DYDC2: variants seen among roughly 807,000 people sequenced by gnomAD.
DYDC2 encodes DPY30 domain-containing protein 2.
Under a neutral mutation model 18.7 loss-of-function variants are expected in DYDC2, and 19 were observed. The ratio of observed to expected loss-of-function variants is 1.02; its 90% CI spans 0.71 to 1.49. The LOEUF is 1.49. DYDC2 is among the 40% of genes most tolerant of loss of function. DYDC2 has a pLI of 0.00. For missense variants in DYDC2, 179 were observed against 205.1 expected (o/e 0.87, Z 0.78); for synonymous variants, 63 against 67.6 (o/e 0.93, Z 0.34).
At chr10:80,353,311 T>C (rs767270021), upstream of DYDC2, among the ~76,000 whole-genome samples, 27 of 151,782 alleles carry the variant, frequency 1.8e-4, no homozygotes, top group Non-Finnish European at 2.8e-4. Context: ...TCTAATTCCA[T>C]GGACATGTCT....
At chr10:80,356,500 C>G (rs1843376011), upstream of DYDC2, 2 of 985,296 alleles carry the variant, frequency 2.0e-6, no homozygotes, top group African/African-American at 3.5e-5. Flanking sequence ...TCTCCCGCAG[C>G]CCGCAGGAGA....
upstream of DYDC2, among the ~76,000 whole-genome samples, chr10:80,354,142 A>T (rs115521848): frequency 4.9e-3 from 736 of 149,186 alleles, 3 homozygotes; most frequent in African/African-American, 0.017. Context: ...ATATATATAT[A>T]TATTTTTTCC....
chr10:80,366,973 T>G lies in DYDC2; in HGVS notation c.*22T>G, dbSNP rs776749285. Reference sequence around the variant, plus strand: ...TTAGGTTACAGAAGGTAGATGCTTCTGATTTACTTCTCTCAAAGCTAGAAG... The same window carrying G: ...TTAGGTTACAGAAGGTAGATGCTTCGGATTTACTTCTCTCAAAGCTAGAAG... On this transcript the variant is annotated 3_prime_UTR_variant, in exon 5 of 5. Coordinates refer to ENST00000256039, the MANE Select transcript of DYDC2 (RefSeq NM_032372.6). 1.9e-6 allele frequency: 3 copies of G among 1,588,330 alleles called. No homozygotes were observed. In the Admixed American group the frequency reaches 5.4e-5, roughly 29 times the overall value.
At chr10:80,357,078 AG>A (rs1478172487) in intron 1 of DYDC2, among the ~76,000 whole-genome samples, 1 of 19,404 alleles carries the variant, frequency 5.2e-5, no homozygotes, top group African/African-American at 2.0e-4. Context: ...GCGCCAGGGG[AG>A]GGGGCCAGAG....
chr10:80,366,931 G>A lies in DYDC2; in HGVS notation c.514G>A (p.Gly172Ser), dbSNP rs752310655. 5 of 1,613,368 alleles carry A rather than the reference G, an allele frequency of 3.1e-6. No homozygotes were observed. The South Asian group carries it at 5.5e-5, about 18-fold the overall frequency. ...TGAAGTTGCTCATGAAATGCCTCCT[G>A]GCTCCAAATCTCCTTTTTAGGTTAC... ...QHEVAHEMPP[G>S]SKSPF The change falls in exon 5 of 5, where the codon GGC becomes AGC. Residue 172 changes from glycine (G) to serine (S), a missense_variant. By Grantham distance (56) the Gly-to-Ser change is moderately conservative. Transcript: ENST00000256039.
At chr10:80,362,779 G>T (rs1041150489) in intron 3 of DYDC2, among the ~76,000 whole-genome samples, 172 bp from the exon 4 acceptor site, 2 of 152,148 alleles carry the variant, frequency 1.3e-5, no homozygotes, top group Non-Finnish European at 2.9e-5. Flanking sequence ...CTTCAACTCA[G>T]ACGAGCTGTG....
intron 4 of DYDC2, among the ~76,000 whole-genome samples, chr10:80,366,224 G>T: frequency 6.6e-6 from 1 of 151,680 alleles, no homozygotes; most frequent in East Asian, 1.9e-4. Flanking sequence ...GTAGAGACGG[G>T]GTTTCAGCAT....
chr10:80,363,511 A>AGTTTT lies in DYDC2; in HGVS notation c.270+438_270+439insGTTTT, dbSNP rs35505876. Among the ~76,000 whole-genome samples the AGTTTT allele has an allele frequency of 2.8e-5, 4 of 140,438 alleles. 1 individual carries two copies. Among genetic ancestry groups the AGTTTT allele is most frequent in the Non-Finnish European group, 3.1e-5 (2 of 65,052 alleles). The allele number at this position is 140,438 out of a possible 152,430, so 92.1% of individuals were successfully genotyped here. On this transcript the variant is annotated intron_variant, in intron 4 of 4. Transcript: ENST00000256039. ...AGGCACATGCCACCACGCCCGGCTA[A>AGTTTT]TTTTTTTTTTTTTTTTTTAGTAGAG... is the stretch of plus-strand genomic sequence containing the variant.
chr10:80,355,987 A>T (rs1336524500), upstream of DYDC2, among the ~76,000 whole-genome samples: 1 of 95,988 alleles, frequency 1.0e-5, no homozygotes, highest in Non-Finnish European at 2.1e-5. Context: ...AAGTGAAGTT[A>T]AAAAAAAAAA....
At chr10:80,354,811 G>C (rs1465415722), upstream of DYDC2, among the ~76,000 whole-genome samples, 1 of 152,128 alleles carries the variant, frequency 6.6e-6, no homozygotes, top group African/African-American at 2.4e-5. Flanking sequence ...CCAATGCCTT[G>C]ATTTTAGACT....
chr10:80,359,635 C>T (rs997838403), intron 2 of DYDC2, among the ~76,000 whole-genome samples: 2 of 152,122 alleles, frequency 1.3e-5, no homozygotes, highest in Non-Finnish European at 2.9e-5. Context: ...TCCGGAGCCC[C>T]GTGGGGAGGC....
chr10:80,358,756 G>T (rs1309750314), intron 2 of DYDC2, among the ~76,000 whole-genome samples: 1 of 152,198 alleles, frequency 6.6e-6, no homozygotes, highest in Non-Finnish European at 1.5e-5. Context: ...GTCCCAATGT[G>T]TCCAGAATTG....
chr10:80,356,116 G>C (rs1843353314), upstream of DYDC2: 1 of 419,948 alleles, frequency 2.4e-6, no homozygotes, highest in Non-Finnish European at 3.2e-6. Context: ...CCAGGTCAGG[G>C]GAGGCTCTGT....
chr10:80,353,494 A>C (rs1230153022), upstream of DYDC2, among the ~76,000 whole-genome samples: 1 of 151,194 alleles, frequency 6.6e-6, no homozygotes, highest in African/African-American at 2.4e-5. Flanking sequence ...AAAAGGAAAA[A>C]TGGAGCAACC....
At chr10:80,348,952 C>T (rs112590399) in intron 1 of DYDC2, among the ~76,000 whole-genome samples, 95 of 152,206 alleles carry the variant, frequency 6.2e-4, no homozygotes, top group African/African-American at 2.3e-3. Flanking sequence ...ACTGCAGTGG[C>T]GCGATCTCGG....
Position 80,358,043 on chromosome 10 carries a change from T to C in DYDC2, c.-12T>C. The C allele has an allele frequency of 3.0e-6, 3 of 985,512 alleles. No individual in the cohort carries two copies. The highest frequency in any genetic ancestry group is 2.4e-6 in the Non-Finnish European group (2 of 830,044). The allele number at this position is 985,512 out of a possible 1,614,324, so 61.0% of individuals were successfully genotyped here. The stretch of plus-strand genomic sequence containing the variant: ...CACTGAAAAATAGCCTCTCCCCCCA[T>C]TGGTGAGTGTACCCTAAGTTGGTCT... On this transcript the variant is annotated splice_region_variant and 5_prime_UTR_variant, in exon 2 of 5. Coordinates refer to ENST00000256039, the MANE Select transcript of DYDC2 (RefSeq NM_032372.6).
At chr10:80,352,612 T>C (rs1456700432), upstream of DYDC2, 1 of 1,594,944 alleles carries the variant, frequency 6.3e-7, no homozygotes, top group Non-Finnish European at 8.5e-7. Context: ...TTCTAACTCC[T>C]AAAAAGTAAG....
At chr10:80,358,869 G>A (rs1843563083) in intron 2 of DYDC2, among the ~76,000 whole-genome samples, 1 of 152,158 alleles carries the variant, frequency 6.6e-6, no homozygotes, top group African/African-American at 2.4e-5. Context: ...TCCTTTTGAT[G>A]TTCGGATGTG....
In DYDC2 at chr10:80,366,640, G is replaced by T. The variant is rs1843845648; in HGVS notation, c.271-48G>T. 1.9e-6 allele frequency: 3 copies of T among 1,550,586 alleles called. No individual in the cohort carries two copies. The Admixed American group carries it at 6.1e-5, about 31-fold the overall frequency. ...TGTGTTTTTGCCATACATCTTGTGT[G>T]CTTTAGTCTCTAATAATAAGTTTTC... On this transcript the variant is annotated intron_variant, in intron 4 of 4. Coordinates refer to ENST00000256039, the MANE Select transcript of DYDC2 (RefSeq NM_032372.6).
Sources: allele counts gnomAD v4.1 joint callset (sites outside exome capture counted in the v4.1 genomes callset), GRCh38; gene constraint gnomAD v4.1.1; transcripts MANE v1.5; gene names NCBI Gene and HGNC (gene_info 2026-07-23, HGNC 2026-07-21).